Variants in FLRT2 observed in about 807,000 individuals in gnomAD.
FLRT2 encodes the protein leucine-rich repeat transmembrane protein FLRT2.
In FLRT2, 15 loss-of-function variants were observed where a neutral mutation model predicts 40.0. The observed-to-expected ratio is 0.38, with a 90% CI of 0.25 to 0.58. FLRT2 has a LOEUF of 0.58. Among genes scored for constraint, FLRT2 ranks in the 20% least tolerant of loss-of-function variants. The probability of loss-of-function intolerance (pLI) is 0.71; values close to 1 mark genes in which losing one functional copy is unlikely to be tolerated. For synonymous variants in FLRT2, 380 were observed against 336.8 expected, an observed-to-expected ratio of 1.13 and a Z score of -1.41; for missense variants, 726 against 840.0, an observed-to-expected ratio of 0.86 and a Z score of 1.68.
intron 1 of FLRT2, among the ~76,000 whole-genome samples, chr14:85,572,709 A>G (rs888763949): frequency 2.0e-5 from 3 of 152,286 alleles, no homozygotes; most frequent in Non-Finnish European, 4.4e-5. Context: ...ACACACATTC[A>G]TGCTTCTCAT....
At chr14:85,586,881 A>G (rs1486020039) in intron 1 of FLRT2, among the ~76,000 whole-genome samples, 1 of 152,196 alleles carries the variant, frequency 6.6e-6, no homozygotes, top group Non-Finnish European at 1.5e-5. Flanking sequence ...TATTTCTCAA[A>G]GTCAGAAGAA....
At chr14:85,570,349 G>A (rs912627758) in intron 1 of FLRT2, among the ~76,000 whole-genome samples, 4 of 152,138 alleles carry the variant, frequency 2.6e-5, no homozygotes, top group Non-Finnish European at 4.4e-5. Context: ...TTAGGAATTA[G>A]AATTCATAGT....
rs1894209247 is a variant in FLRT2, at chr14:85,643,353, T to TC, written c.*19856_*19857insC. ...TTTCTTTCTTTCTTTCTTTCTTTCTTTCTTCCTTCCTTCCTTCCTTCCTTT... is the reference window on the plus strand; with the variant it reads ...TTTCTTTCTTTCTTTCTTTCTTTCTTCTCTTCCTTCCTTCCTTCCTTCCTTT... On this transcript the variant is annotated 3_prime_UTR_variant, in exon 2 of 2. Transcript: ENST00000330753. The TC allele has an allele frequency of 1.6e-5, 1 of 62,666 alleles. No individual in the cohort carries two copies. Among genetic ancestry groups the TC allele is most frequent in the Non-Finnish European group, 3.7e-5 (1 of 26,826 alleles). The allele number at this position is 62,666 out of a possible 1,614,324, so 3.9% of individuals were successfully genotyped here.
At chr14:85,595,677 G>T (rs1237178506) in intron 1 of FLRT2, among the ~76,000 whole-genome samples, 1 of 152,084 alleles carries the variant, frequency 6.6e-6, no homozygotes, top group African/African-American at 2.4e-5. Context: ...CGGTATAACT[G>T]CCTACCATGT....
chr14:85,618,233 C>T (rs1280464249), intron 1 of FLRT2, among the ~76,000 whole-genome samples: 1 of 152,194 alleles, frequency 6.6e-6, no homozygotes, highest in East Asian at 1.9e-4. Flanking sequence ...GCCCCTAATA[C>T]TTGGCCTATA....
chr14:85,544,761 A>G (rs998739368), intron 1 of FLRT2, among the ~76,000 whole-genome samples: 3 of 152,180 alleles, frequency 2.0e-5, no homozygotes, highest in African/African-American at 4.8e-5. Context: ...CTTGTTGGCC[A>G]AAAGAAAATT....
At chr14:85,552,743 C>A (rs893617994) in intron 1 of FLRT2, 1 of 152,150 alleles carries the variant, frequency 6.6e-6, no homozygotes, top group Non-Finnish European at 1.5e-5. Context: ...ACAGGTAAGA[C>A]ACGGAGACCT....
intron 1 of FLRT2, among the ~76,000 whole-genome samples, chr14:85,535,175 A>C (rs1455687227): frequency 6.6e-6 from 1 of 152,206 alleles, no homozygotes; most frequent in African/African-American, 2.4e-5. Context: ...CTTTAATCAC[A>C]CAGGGTTTCA....
At chr14:85,606,708 G>A (rs2753618) in intron 1 of FLRT2, among the ~76,000 whole-genome samples, 123,858 of 150,236 alleles carry the variant, frequency 0.82, 51,080 homozygotes, top group East Asian at 0.88. Context: ...TATTTTTAGT[G>A]GAGACAGGGT....
chr14:85,643,323 CTTTCTTT>C lies in FLRT2; in HGVS notation c.*19827_*19833del. 9.0e-6 allele frequency: 1 copy of C among 110,828 alleles called. No individual in the cohort carries two copies. The highest frequency in any genetic ancestry group is 9.7e-5 in the Admixed American group (1 of 10,312). The allele number at this position is 110,828 out of a possible 1,614,324, so 6.9% of individuals were successfully genotyped here. ...TCTTTCTTTCTTTCTTTCTTTCTTT[CTTTCTTT>C]CTTTCTTTCTTTCTTTCTTTCTTTC... On this transcript the variant is annotated 3_prime_UTR_variant, in exon 2 of 2. Coordinates refer to ENST00000330753, the MANE Select transcript of FLRT2 (RefSeq NM_013231.6).
rs2139402202 is a variant in FLRT2, at chr14:85,643,685, A to C, written c.*20188A>C. The C allele has an allele frequency of 6.6e-6, 1 of 152,044 alleles. No homozygotes were observed. The highest frequency in any genetic ancestry group is 2.1e-4 in the South Asian group (1 of 4,786). 9.4% of individuals were successfully genotyped at this position (152,044 alleles called of 1,614,324 possible). A position where few individuals can be genotyped will look rare whatever the true frequency, so the allele number is the denominator to read the frequency against. ...TGGGTTTACAGGCGTGAGCCATTGC[A>C]CCTGGCCAGAGGGTGTTTCTTTAAG... On this transcript the variant is annotated 3_prime_UTR_variant, in exon 2 of 2. Coordinates refer to ENST00000330753, the MANE Select transcript of FLRT2 (RefSeq NM_013231.6).
chr14:85,594,274 G>A (rs1892033886), intron 1 of FLRT2, among the ~76,000 whole-genome samples: 1 of 152,138 alleles, frequency 6.6e-6, no homozygotes, highest in South Asian at 2.1e-4. Flanking sequence ...TCTCAGTTAA[G>A]GGACAGGAGG....
chr14:85,590,795 A>C (rs1891848679), intron 1 of FLRT2, among the ~76,000 whole-genome samples: 1 of 152,004 alleles, frequency 6.6e-6, no homozygotes, highest in African/African-American at 2.4e-5. Context: ...ATGGGGTTTC[A>C]CCATATTGGT....
intron 1 of FLRT2, among the ~76,000 whole-genome samples, chr14:85,617,867 G>A (rs1189487977): frequency 2.0e-5 from 3 of 152,122 alleles, no homozygotes; most frequent in Non-Finnish European, 2.9e-5. Flanking sequence ...GGTCTAGATG[G>A]GACTTTTCTC....
chr14:85,613,932 A>C (rs764576100), intron 1 of FLRT2, among the ~76,000 whole-genome samples: 2 of 152,220 alleles, frequency 1.3e-5, no homozygotes, highest in South Asian at 4.1e-4. Context: ...AAGGAAAGTA[A>C]AAGTTGATGG....
In FLRT2 at chr14:85,642,142, A is replaced by AAAG. The variant is rs1408450234; in HGVS notation, c.*18647_*18648insGAA. 6.6e-6 allele frequency: 1 copy of AAAG among 150,490 alleles called. No individual in the cohort carries two copies. The highest frequency in any genetic ancestry group is 2.0e-4 in the East Asian group (1 of 5,080). 9.3% of individuals were successfully genotyped at this position (150,490 alleles called of 1,614,324 possible). A position where few individuals can be genotyped will look rare whatever the true frequency, so the allele number is the denominator to read the frequency against. On this transcript the variant is annotated 3_prime_UTR_variant, in exon 2 of 2. Coordinates refer to ENST00000330753, the MANE Select transcript of FLRT2 (RefSeq NM_013231.6). ...CAAGGTTGCTGTTGACAAAAAAAAA[A>AAAG]AAAAAGAAAGAAAGAAAAAAATGGC...
chr14:85,589,766 G>C (rs988478525), intron 1 of FLRT2, among the ~76,000 whole-genome samples: 6 of 152,100 alleles, frequency 3.9e-5, no homozygotes, highest in African/African-American at 1.2e-4. Flanking sequence ...GTCTTTGATA[G>C]ATTTTGATTT....
At position 85,639,490 on chromosome 14, in the gene FLRT2, C is replaced by G. The variant is rs1894094572; in HGVS notation, c.*15993C>G. ...TACAATGCAAGTAGAAGAAGGGGCCCCACCAGTCATTCTGAGACGTGTTTC... is the reference window on the plus strand; with the variant it reads ...TACAATGCAAGTAGAAGAAGGGGCCGCACCAGTCATTCTGAGACGTGTTTC... On this transcript the variant is annotated 3_prime_UTR_variant, in exon 2 of 2. Transcript: ENST00000330753. 6.6e-6 allele frequency: 1 copy of G among 152,084 alleles called. No individual in the cohort carries two copies. Among genetic ancestry groups the G allele is most frequent in the Non-Finnish European group, 1.5e-5 (1 of 68,040 alleles). 9.4% of individuals were successfully genotyped at this position (152,084 alleles called of 1,614,324 possible).
At chr14:85,570,977 T>G (rs1415790904) in intron 1 of FLRT2, among the ~76,000 whole-genome samples, 1 of 152,158 alleles carries the variant, frequency 6.6e-6, no homozygotes, top group East Asian at 1.9e-4. Flanking sequence ...GTCAAGAGTT[T>G]AGATTTTAAA....
Sources: gnomAD v4.1 joint callset for allele counts (sites outside exome capture counted in the v4.1 genomes callset) on GRCh38, gnomAD v4.1.1 for gene constraint, MANE v1.5 for transcripts, NCBI Gene and HGNC (gene_info 2026-07-23, HGNC 2026-07-21) for gene names.